WASHC4: variants seen among roughly 807,000 people sequenced by gnomAD.
WASHC4 encodes the protein WASH complex subunit 7.
Under a neutral mutation model 166.6 loss-of-function variants are expected in WASHC4, and 86 were observed. The observed-to-expected ratio is 0.52, with a 90% confidence interval of 0.43 to 0.62. The LOEUF (loss-of-function observed/expected upper bound fraction) is 0.62. Among genes scored for constraint, WASHC4 ranks in the 20% least tolerant of loss-of-function variants. The pLI, the probability that WASHC4 is intolerant of heterozygous loss-of-function variation, is 0.00. For missense variants in WASHC4, 1,262 were observed against 1,382.4 expected, an observed-to-expected ratio of 0.91 and a Z score of 1.38; for synonymous variants, 446 against 451.6, an observed-to-expected ratio of 0.99 and a Z score of 0.16.
At chr12:105,163,605 G>A (rs374770735) in intron 30 of WASHC4, among the ~76,000 whole-genome samples, 1 of 151,118 alleles carries the variant, frequency 6.6e-6, no homozygotes, top group Admixed American at 6.6e-5. Flanking sequence ...GGACCCAAGC[G>A]ATCCTCCCAC....
chr12:105,167,036 C>T lies in WASHC4; in HGVS notation c.*105C>T, dbSNP rs1414186239. 1.6e-5 allele frequency: 13 copies of T among 797,704 alleles called. No homozygotes were observed. Among genetic ancestry groups the T allele is most frequent in the Non-Finnish European group, 2.0e-5 (9 of 455,924 alleles). The allele number at this position is 797,704 out of a possible 1,614,324, so 49.4% of individuals were successfully genotyped here. On this transcript the variant is annotated 3_prime_UTR_variant, in exon 33 of 33. Coordinates refer to ENST00000332180, the MANE Select transcript of WASHC4 (RefSeq NM_015275.3). The stretch of plus-strand genomic sequence containing the variant: ...ATGAATTGTTTCCTGGGTCACATCT[C>T]TGGAAAATAGATGTTACAGTTCTTA...
chr12:105,120,647 T>G, intron 8 of WASHC4, 50 bp downstream of exon 8: 1 of 1,309,732 alleles, frequency 7.6e-7, no homozygotes, highest in Non-Finnish European at 1.1e-6. Context: ...TACTATATTT[T>G]ACTTTGGAGT....
At chr12:105,154,782 TTTTACTCTTA>T in intron 26 of WASHC4, among the ~76,000 whole-genome samples, 1 of 152,320 alleles carries the variant, frequency 6.6e-6, no homozygotes, top group Non-Finnish European at 1.5e-5. Context: ...GCTTCAGAGC[TTTTACTCTTA>T]ATTGCCGCTC....
rs181745073 is a variant in WASHC4 at position 105,128,733 on chromosome 12, C to T, written c.1199+1444C>T. Among the ~76,000 whole-genome samples, 217 of 151,694 alleles carry T rather than the reference C, an allele frequency of 1.4e-3. 1 individual carries two copies. Among genetic ancestry groups the T allele is most frequent in the Non-Finnish European group, 1.6e-3 (112 of 67,910 alleles). ...TGGATGAGGGGTACTCATCATGTAT[C>T]TAGGTCATGGGAATTGATAGTTGCA... On this transcript the variant is annotated intron_variant, in intron 13 of 32. Transcript: ENST00000332180.
chr12:105,121,242 T>G (rs1445266961), intron 9 of WASHC4, 38 bp downstream of exon 9: 1 of 1,255,132 alleles, frequency 8.0e-7, no homozygotes. Flanking sequence ...TTTCTTACTT[T>G]GGTTAATGTA....
intron 22 of WASHC4, 27 bp downstream of exon 22, chr12:105,144,899 A>G (rs776592522): frequency 1.7e-5 from 27 of 1,606,120 alleles, no homozygotes; most frequent in Non-Finnish European, 2.2e-5. Flanking sequence ...TTTTTTTAGC[A>G]TACTGTGACT....
At position 105,107,851 on chromosome 12, in the gene WASHC4, C is replaced by G. The variant is rs775283836; in HGVS notation, c.51C>G (p.Asp17Glu). ...ACTGGGAGTTTGACCGCGTTGACGA[C>G]GGCTCGCAGAGTAAGGGAGCTGCAG... ...SPDWEFDRVD[D>E]GSQKIHAEVQ... The change falls in exon 1 of 33, where the codon GAC (aspartate) becomes GAG (glutamate). Residue 17 changes from aspartate to glutamate, a missense_variant. Transcript: ENST00000332180. The G allele has an allele frequency of 7.3e-5, 113 of 1,549,918 alleles. No individual in the cohort carries two copies. Among genetic ancestry groups the G allele is most frequent in the Admixed American group, 7.8e-5 (4 of 50,980 alleles).
chr12:105,127,416 G>T, intron 13 of WASHC4, 127 bp downstream of exon 13: 1 of 746,740 alleles, frequency 1.3e-6, no homozygotes, highest in Non-Finnish European at 2.2e-6. Context: ...TAAGGGTCAG[G>T]CAATCTCCAG....
intron 8 of WASHC4, 148 bp downstream of exon 8, chr12:105,120,745 C>A: frequency 1.5e-6 from 1 of 677,256 alleles, no homozygotes; most frequent in African/African-American, 1.8e-5. Flanking sequence ...TGCATTTGTT[C>A]TCTTTCATCT....
At chr12:105,156,529 AGTAT>A (rs1241029080) in intron 26 of WASHC4, 193 bp from the exon 27 acceptor site, 3 of 357,486 alleles carry the variant, frequency 8.4e-6, no homozygotes, top group Non-Finnish European at 1.0e-5. Context: ...GTTATATATA[AGTAT>A]GTATGTTTAT....
chr12:105,122,043 TC>T (rs1880799364), intron 9 of WASHC4, 74 bp from the exon 10 acceptor site: 2 of 1,109,932 alleles, frequency 1.8e-6, no homozygotes, highest in Non-Finnish European at 2.6e-6. Flanking sequence ...AATTTTGACT[TC>T]CAGGAAAATT....
At position 105,159,900 on chromosome 12, in the gene WASHC4, T is replaced by G. The variant is rs1188397951; in HGVS notation, c.2913-101T>G. 4 of 1,081,068 alleles carry G rather than the reference T, an allele frequency of 3.7e-6. No homozygotes were observed. In the African/African-American group the frequency reaches 6.3e-5, roughly 17 times the overall value. 67.0% of individuals were successfully genotyped at this position (1,081,068 alleles called of 1,614,324 possible). On this transcript the variant is annotated intron_variant, in intron 28 of 32. Coordinates refer to ENST00000332180, the MANE Select transcript of WASHC4 (RefSeq NM_015275.3). ...TTTCTTAGAAGTGTCTTACAGTGTT[T>G]CCTGCTTTTCAAGTGTTCTTATCTA...
At chr12:105,129,078 T>A (rs931042106) in intron 13 of WASHC4, among the ~76,000 whole-genome samples, 1 of 152,060 alleles carries the variant, frequency 6.6e-6, no homozygotes, top group Non-Finnish European at 1.5e-5. Context: ...CCCGAGTAGC[T>A]GGGATTACAG....
At chr12:105,147,845 C>T in intron 24 of WASHC4, 1 of 687,986 alleles carries the variant, frequency 1.5e-6, no homozygotes, top group Non-Finnish European at 1.8e-6. Flanking sequence ...GCAGAGGTTG[C>T]AGTGAGCTGA....
intron 15 of WASHC4, among the ~76,000 whole-genome samples, chr12:105,138,617 T>C (rs1165831798): frequency 1.3e-5 from 2 of 152,180 alleles, no homozygotes; most frequent in African/African-American, 4.8e-5. Context: ...GTTAACCTTT[T>C]GTAAAAATTG....
intron 15 of WASHC4, among the ~76,000 whole-genome samples, chr12:105,139,425 G>GTGTGTGTGTATATATATATATA: frequency 3.6e-4 from 37 of 103,210 alleles, no homozygotes; most frequent in African/African-American, 1.2e-3. Context: ...ATGTGTGTGT[G>GTGTGTGTGTATATATATATATA]TATATATATA....
At chr12:105,148,615 T>G in intron 24 of WASHC4, 4 of 985,242 alleles carry the variant, frequency 4.1e-6, no homozygotes, top group Non-Finnish European at 4.8e-6. Flanking sequence ...TTTTTAAAAA[T>G]GCAAAGAAAC....
At chr12:105,122,815 G>T (rs1301640449) in intron 10 of WASHC4, among the ~76,000 whole-genome samples, 2 of 152,156 alleles carry the variant, frequency 1.3e-5, no homozygotes, top group East Asian at 3.8e-4. Context: ...TAAATGTTGT[G>T]TGTGTTCTGA....
intron 24 of WASHC4, chr12:105,147,708 C>G (rs1373512953): frequency 2.4e-6 from 1 of 425,350 alleles, no homozygotes; most frequent in African/African-American, 2.2e-5. Context: ...GAGTTCAAGA[C>G]CAGCCTGACC....
Sources: allele counts gnomAD v4.1 joint callset (sites outside exome capture counted in the v4.1 genomes callset), GRCh38; gene constraint gnomAD v4.1.1; transcripts MANE v1.5; gene names NCBI Gene and HGNC (gene_info 2026-07-23, HGNC 2026-07-21).